SFXN5: variants seen among roughly 807,000 people sequenced by gnomAD.
SFXN5 encodes sideroflexin-5.
SFXN5 carries 43 observed loss-of-function variants against 50.2 expected under a neutral mutation model. That is an observed-to-expected ratio of 0.86 (90% CI 0.67 to 1.11). The LOEUF (loss-of-function observed/expected upper bound fraction) is 1.11. Among genes scored for constraint, SFXN5 ranks in the 50% least tolerant of loss-of-function variants. SFXN5 has a pLI of 0.00. For missense variants in SFXN5, 463 were observed against 454.1 expected (o/e 1.02, Z -0.18); for synonymous variants, 203 against 185.8 (o/e 1.09, Z -0.75).
chr2:72,965,129 AGAG>A (rs1265215985), intron 12 of SFXN5, among the ~76,000 whole-genome samples: 2 of 152,240 alleles, frequency 1.3e-5, no homozygotes, highest in African/African-American at 2.4e-5. Context: ...CTGGACATCC[AGAG>A]GAGCACATCA....
intron 3 of SFXN5, among the ~76,000 whole-genome samples, chr2:73,038,002 G>T (rs1336402072): frequency 1.3e-5 from 2 of 152,222 alleles, no homozygotes; most frequent in Non-Finnish European, 2.9e-5. Context: ...TCTTCAGATT[G>T]CAAGGAGCAC....
chr2:73,046,206 C>T (rs1170420793), intron 2 of SFXN5, among the ~76,000 whole-genome samples: 1 of 152,018 alleles, frequency 6.6e-6, no homozygotes, highest in Non-Finnish European at 1.5e-5. Context: ...GTCAGGAGTT[C>T]GAGACCACCC....
chr2:72,998,637 G>A lies in SFXN5; in HGVS notation c.534+312C>T, dbSNP rs991836033. 5 of 377,268 alleles carry A rather than the reference G, an allele frequency of 1.3e-5. No individual in the cohort carries two copies. The South Asian group carries it at 1.3e-4, about 10-fold the overall frequency. The allele number at this position is 377,268 out of a possible 1,614,324, so 23.4% of individuals were successfully genotyped here. A position where few individuals can be genotyped will look rare whatever the true frequency, so the allele number is the denominator to read the frequency against. ...CCGCTCGCTCCAGCCACGTTACCGA[G>A]CATGAGGAGCAGCTCTTCCGAGCAG... On this transcript the variant is annotated intron_variant, in intron 9 of 13. Transcript: ENST00000272433.
chr2:73,018,999 C>A (rs1676501003), intron 6 of SFXN5, among the ~76,000 whole-genome samples: 2 of 152,174 alleles, frequency 1.3e-5, no homozygotes, highest in South Asian at 4.1e-4. Flanking sequence ...CAAAACAGCA[C>A]TATTTGTTGT....
chr2:73,050,338 G>A (rs568161614), intron 2 of SFXN5, among the ~76,000 whole-genome samples: 1 of 151,568 alleles, frequency 6.6e-6, no homozygotes, highest in Admixed American at 6.6e-5. Context: ...CCCCAAGGCT[G>A]TCTGCAACAT....
At chr2:73,016,047 G>C (rs948295346) in intron 6 of SFXN5, among the ~76,000 whole-genome samples, 1 of 151,044 alleles carries the variant, frequency 6.6e-6, no homozygotes, top group African/African-American at 2.4e-5. Flanking sequence ...TAAATGTATT[G>C]CCTTGAGTTG....
At chr2:72,965,494 C>T (rs1254739203) in intron 12 of SFXN5, among the ~76,000 whole-genome samples, 2 of 152,174 alleles carry the variant, frequency 1.3e-5, no homozygotes, top group African/African-American at 4.8e-5. Flanking sequence ...CTGACTAATA[C>T]AAGCCACCTA....
chr2:73,065,470 G>A (rs888979219), intron 1 of SFXN5, among the ~76,000 whole-genome samples: 8 of 151,822 alleles, frequency 5.3e-5, no homozygotes, highest in Non-Finnish European at 5.9e-5. Flanking sequence ...GTGCAATCTC[G>A]GCTCACTGCA....
At chr2:72,947,408 G>A (rs1220953924) in intron 13 of SFXN5, among the ~76,000 whole-genome samples, 1 of 152,248 alleles carries the variant, frequency 6.6e-6, no homozygotes, top group East Asian at 1.9e-4. Flanking sequence ...CTAGAGGGGG[G>A]CAGGTGAGAA....
chr2:73,026,557 T>C (rs1677582124), intron 3 of SFXN5, among the ~76,000 whole-genome samples: 1 of 152,172 alleles, frequency 6.6e-6, no homozygotes, highest in African/African-American at 2.4e-5. Flanking sequence ...CTTGTGGCTG[T>C]CCTAAAGTAA....
rs773099421 is a variant in SFXN5, at chr2:72,961,256, GGA to G, written c.828-10_828-9del. 9.9e-6 allele frequency: 15 copies of G among 1,514,958 alleles called. No individual in the cohort carries two copies. The South Asian group carries it at 1.9e-4, about 19-fold the overall frequency. The allele number at this position is 1,514,958 out of a possible 1,614,324, so 93.8% of individuals were successfully genotyped here. On this transcript the variant is annotated splice_polypyrimidine_tract_variant and intron_variant, in intron 12 of 13. Coordinates refer to ENST00000272433, the MANE Select transcript of SFXN5 (RefSeq NM_144579.3). This position sits in a 1 kb window ranked among gnomAD's most constrained non-coding sequence, Gnocchi z 4.4. ...GCCTGCAGGAGAGCCGTCCTGTGAG[GGA>G]GAGAGGAGGGAGCCCCATGAGACCC...
chr2:72,970,671 T>A (rs916384838), intron 11 of SFXN5, among the ~76,000 whole-genome samples: 1 of 150,332 alleles, frequency 6.7e-6, no homozygotes, highest in Non-Finnish European at 1.5e-5. Flanking sequence ...GAGGGAGATG[T>A]ACACATGGAC....
rs1023592921 is a variant in SFXN5 at position 73,019,253 on chromosome 2, G to C, written c.357+986C>G. On this transcript the variant is annotated intron_variant, in intron 6 of 13. Coordinates refer to ENST00000272433, the MANE Select transcript of SFXN5 (RefSeq NM_144579.3). ...AAACTAAAATATAAAAGTCAGAAAA[G>C]TGATTTTCTGTCGGGGTGGTGATTG... Among the ~76,000 whole-genome samples the C allele has an allele frequency of 6.6e-4, 101 of 152,034 alleles. 1 individual carries two copies. The highest frequency in any genetic ancestry group is 4.6e-4 in the Admixed American group (7 of 15,256).
At chr2:73,046,138 G>C (rs1680291464) in intron 2 of SFXN5, among the ~76,000 whole-genome samples, 2 of 152,202 alleles carry the variant, frequency 1.3e-5, no homozygotes, top group Non-Finnish European at 2.9e-5. Context: ...GCCGGGTGCA[G>C]CAGCTCACGC....
chr2:72,998,897 G>C, intron 9 of SFXN5, 52 bp downstream of exon 9: 1 of 1,588,522 alleles, frequency 6.3e-7, no homozygotes, highest in Non-Finnish European at 8.6e-7. Context: ...ATGCTGAGCG[G>C]GGTGGCCCCA....
chr2:73,057,563 G>A (rs993047072), intron 2 of SFXN5, among the ~76,000 whole-genome samples: 4 of 152,186 alleles, frequency 2.6e-5, no homozygotes, highest in African/African-American at 9.7e-5. Flanking sequence ...GGTTGACAGG[G>A]GGTGAAGACA....
At chr2:73,011,198 C>T (rs189248491) in intron 6 of SFXN5, among the ~76,000 whole-genome samples, 47 of 152,228 alleles carry the variant, frequency 3.1e-4, no homozygotes, top group Middle Eastern at 3.4e-3. Flanking sequence ...AGACCACAGG[C>T]GCACACCACC....
intron 2 of SFXN5, chr2:73,048,949 C>T (rs1680869388): frequency 6.6e-6 from 1 of 152,148 alleles, no homozygotes; most frequent in Non-Finnish European, 1.5e-5. Flanking sequence ...TTCCCAAAAA[C>T]GTTTTACTCT....
intron 1 of SFXN5, among the ~76,000 whole-genome samples, chr2:73,063,380 G>C (rs555894000): frequency 1.3e-5 from 2 of 152,118 alleles, no homozygotes; most frequent in African/African-American, 4.8e-5. Flanking sequence ...GGGGTGCCTT[G>C]CCAAACAAAG....
Sources: gnomAD v4.1 joint callset for allele counts (sites outside exome capture counted in the v4.1 genomes callset) on GRCh38, gnomAD v4.1.1 for gene constraint, Gnocchi (gnomAD v3.1) non-coding constraint, MANE v1.5 for transcripts, NCBI Gene and HGNC (gene_info 2026-07-23, HGNC 2026-07-21) for gene names.